Variants in PALM2AKAP2 observed in about 807,000 individuals in gnomAD.
The protein encoded by PALM2AKAP2 is PALM2 and AKAP2 fusion, also known as PALM2-AKAP2 fusion protein.
A neutral mutation model predicts 71.5 loss-of-function variants in PALM2AKAP2; 37 were observed. The observed-to-expected ratio is 0.52, with a 90% confidence interval of 0.40 to 0.68. The LOEUF is 0.68. Among genes scored for constraint, PALM2AKAP2 ranks in the 30% least tolerant of loss-of-function variants. The probability of loss-of-function intolerance (pLI) is 0.00; values close to 1 mark genes in which losing one functional copy is unlikely to be tolerated. For missense variants in PALM2AKAP2, 1,224 were observed against 1,191.8 expected (o/e 1.03, Z -0.40); for synonymous variants, 468 against 478.8 (o/e 0.98, Z 0.29).
chr9:109,986,881 G>A (rs1832388715), intron 6 of PALM2AKAP2, among the ~76,000 whole-genome samples: 1 of 152,200 alleles, frequency 6.6e-6, no homozygotes. Context: ...CTCCTCAATA[G>A]ACATTTCTCT....
chr9:110,014,064 C>T (rs1832929303), intron 6 of PALM2AKAP2, among the ~76,000 whole-genome samples: 1 of 152,120 alleles, frequency 6.6e-6, no homozygotes, highest in Non-Finnish European at 1.5e-5. Context: ...AACAGAAATG[C>T]TATGAACTCA....
chr9:110,002,365 C>A (rs1832697379), intron 6 of PALM2AKAP2, among the ~76,000 whole-genome samples: 1 of 151,776 alleles, frequency 6.6e-6, no homozygotes, highest in Non-Finnish European at 1.5e-5. Flanking sequence ...GGATGAAGCC[C>A]ACTTGATCAT....
intron 1 of PALM2AKAP2, among the ~76,000 whole-genome samples, chr9:109,736,751 A>G (rs1483678737): frequency 6.6e-6 from 1 of 152,042 alleles, no homozygotes; most frequent in Non-Finnish European, 1.5e-5. Flanking sequence ...CCCTCACCCC[A>G]ACCTTCCACT....
intron 7 of PALM2AKAP2, among the ~76,000 whole-genome samples, chr9:110,023,457 G>A (rs968486356): frequency 6.6e-6 from 1 of 151,728 alleles, no homozygotes; most frequent in Non-Finnish European, 1.5e-5. Flanking sequence ...GGGATTAACA[G>A]GCCTGTGCCA....
chr9:110,151,570 C>G (rs889263169), intron 2 of PALM2AKAP2, among the ~76,000 whole-genome samples: 2 of 152,148 alleles, frequency 1.3e-5, no homozygotes, highest in South Asian at 2.1e-4. Flanking sequence ...TTTGAGGCAT[C>G]AAGTAACTAT....
chr9:110,106,938 T>C lies in PALM2AKAP2; in HGVS notation c.157-29189T>C, dbSNP rs150820804. Among the ~76,000 whole-genome samples the C allele has an allele frequency of 2.2e-3, 341 of 152,284 alleles. 2 individuals are homozygous for C. The highest frequency in any genetic ancestry group is 8.0e-3 in the African/African-American group (332 of 41,546). On this transcript the variant is annotated intron_variant, in intron 1 of 3. Transcript: ENST00000374525. ...CTGTTTTTGCTCTGTTCCCAAACAA[T>C]GCTTTGATGTGCAAGGCACTCCTAA...
At chr9:110,002,122 G>C (rs1336430050) in intron 6 of PALM2AKAP2, among the ~76,000 whole-genome samples, 1 of 152,128 alleles carries the variant, frequency 6.6e-6, no homozygotes, top group East Asian at 1.9e-4. Flanking sequence ...TCCAGTTTTT[G>C]CCCATTCAGT....
At chr9:110,024,152 G>T (rs1270227524) in intron 7 of PALM2AKAP2, among the ~76,000 whole-genome samples, 2 of 152,102 alleles carry the variant, frequency 1.3e-5, no homozygotes, top group African/African-American at 4.8e-5. Flanking sequence ...CCCCAGGTAG[G>T]TATATGATTC....
chr9:110,132,362 T>A (rs1229610033), intron 1 of PALM2AKAP2, among the ~76,000 whole-genome samples: 1 of 148,292 alleles, frequency 6.7e-6, no homozygotes, highest in Non-Finnish European at 1.5e-5. Flanking sequence ...GCGGGCTTCT[T>A]TTTTTTTTTT....
At chr9:109,980,898 C>G (rs981377127) in intron 6 of PALM2AKAP2, among the ~76,000 whole-genome samples, 1 of 152,184 alleles carries the variant, frequency 6.6e-6, no homozygotes, top group South Asian at 2.1e-4. Context: ...TGGTTAAGAA[C>G]CTAGTTTCTG....
At chr9:109,982,058 C>G (rs1832281034) in intron 6 of PALM2AKAP2, among the ~76,000 whole-genome samples, 1 of 152,138 alleles carries the variant, frequency 6.6e-6, no homozygotes, top group Non-Finnish European at 1.5e-5. Context: ...AAATGTCCAT[C>G]AACAGATGAA....
chr9:109,895,426 C>T lies in PALM2AKAP2; in HGVS notation c.257+14745C>T, dbSNP rs535167664. 5.3e-5 allele frequency among the ~76,000 whole-genome samples: 8 copies of T among 152,286 alleles called. No individual in the cohort carries two copies. The East Asian group carries it at 1.2e-3, about 22-fold the overall frequency. ...TCCCAGCTGAATCTGTAAATAGGAACGACAATAAGATTTGCTCTCTCTCGG... is the reference window on the plus strand; with the variant it reads ...TCCCAGCTGAATCTGTAAATAGGAATGACAATAAGATTTGCTCTCTCTCGG... On this transcript the variant is annotated intron_variant, in intron 3 of 9. Coordinates refer to the PALM2AKAP2 transcript ENST00000302798.
At chr9:110,113,472 T>C (rs1335168659) in intron 1 of PALM2AKAP2, among the ~76,000 whole-genome samples, 1 of 151,770 alleles carries the variant, frequency 6.6e-6, no homozygotes, top group Non-Finnish European at 1.5e-5. Flanking sequence ...TTCTTGACCT[T>C]GTGGACCTTG....
intron 1 of PALM2AKAP2, among the ~76,000 whole-genome samples, chr9:109,652,882 T>A (rs1827245729): frequency 6.6e-6 from 1 of 152,208 alleles, no homozygotes; most frequent in South Asian, 2.1e-4. Context: ...CAGAGGCACA[T>A]AGCCTTGGGG....
chr9:110,135,956 G>A (rs1449357809), intron 1 of PALM2AKAP2, among the ~76,000 whole-genome samples, 171 bp from the exon 8 acceptor site: 1 of 152,152 alleles, frequency 6.6e-6, no homozygotes, highest in African/African-American at 2.4e-5. Flanking sequence ...TTGGGCACCT[G>A]TTACTACAAG....
At chr9:110,088,719 T>TG (rs1786042582) in intron 1 of PALM2AKAP2, among the ~76,000 whole-genome samples, 1 of 134,364 alleles carries the variant, frequency 7.4e-6, no homozygotes, top group Non-Finnish European at 1.6e-5. Context: ...TTTTTTTTTT[T>TG]TTTTTTTTTT....
chr9:109,850,471 A>G (rs1828979826), intron 1 of PALM2AKAP2, among the ~76,000 whole-genome samples: 1 of 152,018 alleles, frequency 6.6e-6, no homozygotes, highest in African/African-American at 2.4e-5. Flanking sequence ...TTTATCACCC[A>G]TGTCCTTGGG....
At chr9:110,162,801 C>T (rs1836634871) in intron 3 of PALM2AKAP2, among the ~76,000 whole-genome samples, 1 of 152,220 alleles carries the variant, frequency 6.6e-6, no homozygotes, top group Non-Finnish European at 1.5e-5. Context: ...CTCCTGGGCT[C>T]AAGCGATCCT....
intron 1 of PALM2AKAP2, among the ~76,000 whole-genome samples, chr9:109,717,433 C>A (rs941502774): frequency 2.6e-5 from 4 of 152,162 alleles, no homozygotes; most frequent in Admixed American, 6.5e-5. Context: ...CCCAAATCAT[C>A]TTCATTTGTG....
Sources: gnomAD v4.1 joint callset for allele counts (sites outside exome capture counted in the v4.1 genomes callset) on GRCh38, gnomAD v4.1.1 for gene constraint, MANE v1.5 for transcripts, NCBI Gene and HGNC (gene_info 2026-07-23, HGNC 2026-07-21) for gene names.